Variants in ARL6IP6 observed in about 807,000 individuals in gnomAD.
The protein encoded by ARL6IP6 is ADP-ribosylation factor-like protein 6-interacting protein 6.
In ARL6IP6, 22 loss-of-function variants were observed where a neutral mutation model predicts 21.5. The ratio of observed to expected loss-of-function variants is 1.02; its 90% CI spans 0.73 to 1.46. The LOEUF (loss-of-function observed/expected upper bound fraction) is 1.46. Ranked by LOEUF, ARL6IP6 falls within the 40% of genes most tolerant of loss-of-function variation. The pLI is 0.00. For missense variants in ARL6IP6, 388 were observed against 299.8 expected, an observed-to-expected ratio of 1.29 and a Z score of -2.17; for synonymous variants, 164 against 125.3, an observed-to-expected ratio of 1.31 and a Z score of -2.06.
chr2:152,734,484 A>G (rs1488504471), intron 2 of ARL6IP6, among the ~76,000 whole-genome samples: 2 of 152,130 alleles, frequency 1.3e-5, no homozygotes, highest in Non-Finnish European at 2.9e-5. Context: ...TAAATGAAAA[A>G]TCTGATGAAC....
intron 2 of ARL6IP6, among the ~76,000 whole-genome samples, chr2:152,728,577 T>C (rs1700152231): frequency 6.6e-6 from 1 of 152,186 alleles, no homozygotes. Flanking sequence ...AGCATATTTT[T>C]AGAAGAGTAA....
chr2:152,745,736 T>C (rs1701012463), intron 3 of ARL6IP6, among the ~76,000 whole-genome samples: 1 of 152,160 alleles, frequency 6.6e-6, no homozygotes, highest in Admixed American at 6.5e-5. Flanking sequence ...GCCTTGATAT[T>C]TGAGTATCAT....
intron 2 of ARL6IP6, among the ~76,000 whole-genome samples, chr2:152,730,155 C>T (rs1700242195): frequency 6.6e-6 from 1 of 152,128 alleles, no homozygotes; most frequent in Admixed American, 6.5e-5. Context: ...AATAAAAATG[C>T]TCAATGCGAA....
chr2:152,717,798 C>T (rs1699214556), upstream of ARL6IP6: 4 of 1,171,892 alleles, frequency 3.4e-6, no homozygotes, highest in South Asian at 2.0e-5. Flanking sequence ...CCACCTTCAC[C>T]CTCCCCGCCC....
Position 152,759,773 on chromosome 2 carries a change from T to C in ARL6IP6, c.614T>C (p.Met205Thr). ...FKKLTGHSFHMGYSMAILNGI... is the reference protein window; with the variant it reads ...FKKLTGHSFHTGYSMAILNGI... ...AAACTGACTGGACATTCTTTCCACA[T>C]GGGCTATAGCATGGCGATTTTGAAT... The change falls in exon 4 of 4, where the codon ATG becomes ACG. Residue 205 changes from methionine to threonine, a missense_variant. Coordinates refer to ENST00000326446, the MANE Select transcript of ARL6IP6 (RefSeq NM_152522.7). 11 of 1,613,402 alleles carry C rather than the reference T, an allele frequency of 6.8e-6. No homozygotes were observed. Among genetic ancestry groups the C allele is most frequent in the Non-Finnish European group, 9.3e-6 (11 of 1,179,458 alleles).
At chr2:152,732,272 G>C (rs1016443509) in intron 2 of ARL6IP6, among the ~76,000 whole-genome samples, 1 of 151,972 alleles carries the variant, frequency 6.6e-6, no homozygotes, top group Non-Finnish European at 1.5e-5. Context: ...GCTCTCCATA[G>C]AAATTAAAAC....
intron 1 of ARL6IP6, among the ~76,000 whole-genome samples, chr2:152,719,725 A>T (rs1559219647): frequency 6.8e-6 from 1 of 146,674 alleles, no homozygotes. Flanking sequence ...CATTCTCACT[A>T]GTTTGTGACC....
intron 3 of ARL6IP6, among the ~76,000 whole-genome samples, chr2:152,752,869 T>G (rs1042865306): frequency 6.6e-6 from 1 of 152,180 alleles, no homozygotes; most frequent in African/African-American, 2.4e-5. Flanking sequence ...GGCTTTAGGT[T>G]CCCTGCCCTA....
In ARL6IP6 at chr2:152,759,927, C is replaced by T; in HGVS notation, c.*87C>T. 1.9e-6 allele frequency: 2 copies of T among 1,061,110 alleles called. No homozygotes were observed. The highest frequency in any genetic ancestry group is 2.9e-6 in the Non-Finnish European group (2 of 689,180). 65.7% of individuals were successfully genotyped at this position (1,061,110 alleles called of 1,614,324 possible). On this transcript the variant is annotated 3_prime_UTR_variant, in exon 4 of 4. Coordinates refer to ENST00000326446, the MANE Select transcript of ARL6IP6 (RefSeq NM_152522.7). ...GGAGCATCACTGTCTACTCAGAAGA[C>T]TGAGAAACCTGCTGTTCATTATGTA...
intron 3 of ARL6IP6, among the ~76,000 whole-genome samples, chr2:152,750,488 AAGAGAG>A (rs200604492): frequency 6.7e-6 from 1 of 150,006 alleles, no homozygotes; most frequent in African/African-American, 2.5e-5. Flanking sequence ...AAAAAAAAAA[AAGAGAG>A]AGAGAGAGAG....
intron 3 of ARL6IP6, among the ~76,000 whole-genome samples, chr2:152,759,235 GTAAC>G (rs1197111157): frequency 6.6e-6 from 1 of 152,102 alleles, no homozygotes; most frequent in African/African-American, 2.4e-5. Context: ...CTTCAATTAA[GTAAC>G]CTATTAGAAT....
rs1299539026 is a variant in ARL6IP6, at chr2:152,760,825, G to A, written c.*985G>A. The A allele has an allele frequency of 6.6e-6, 1 of 151,648 alleles. No homozygotes were observed. Among genetic ancestry groups the A allele is most frequent in the Admixed American group, 6.6e-5 (1 of 15,198 alleles). 9.4% of individuals were successfully genotyped at this position (151,648 alleles called of 1,614,324 possible). A position where few individuals can be genotyped will look rare whatever the true frequency, so the allele number is the denominator to read the frequency against. On this transcript the variant is annotated 3_prime_UTR_variant, in exon 4 of 4. Transcript: ENST00000326446. ...TAATCTCAAAAATTTAGTTACCAAA[G>A]TAGAAAAGGTATTTTGATACTAGAT...
chr2:152,718,083 A>G (rs1048558114), upstream of ARL6IP6: 28 of 991,900 alleles, frequency 2.8e-5, no homozygotes, highest in African/African-American at 4.0e-4. Flanking sequence ...CTAAAGGGAG[A>G]TGGGGGTGAG....
At chr2:152,736,907 A>G (rs1700578950) in intron 3 of ARL6IP6, among the ~76,000 whole-genome samples, 1 of 152,164 alleles carries the variant, frequency 6.6e-6, no homozygotes, top group East Asian at 1.9e-4. Context: ...AAGGGACTTG[A>G]ACATTCATGG....
chr2:152,732,690 A>C, intron 2 of ARL6IP6: 1 of 294,844 alleles, frequency 3.4e-6, no homozygotes, highest in Non-Finnish European at 6.7e-6. Flanking sequence ...AGTATCCATG[A>C]GGAATTGGTT....
At chr2:152,730,958 C>A (rs538640019) in intron 2 of ARL6IP6, among the ~76,000 whole-genome samples, 4 of 152,306 alleles carry the variant, frequency 2.6e-5, no homozygotes, top group South Asian at 4.1e-4. Flanking sequence ...ATGCATACAA[C>A]CTACTTTATT....
At chr2:152,754,355 T>G (rs553564826) in intron 3 of ARL6IP6, among the ~76,000 whole-genome samples, 1 of 152,222 alleles carries the variant, frequency 6.6e-6, no homozygotes, top group African/African-American at 2.4e-5. Context: ...TCCTTTCACT[T>G]AGCATACTGT....
At chr2:152,753,313 T>G (rs1331954245) in intron 3 of ARL6IP6, among the ~76,000 whole-genome samples, 4 of 152,224 alleles carry the variant, frequency 2.6e-5, no homozygotes, top group Non-Finnish European at 4.4e-5. Flanking sequence ...TTATAGGTTT[T>G]GTTCCTCTGA....
At chr2:152,728,277 G>A (rs13389152) in intron 2 of ARL6IP6, among the ~76,000 whole-genome samples, 9,007 of 152,168 alleles carry the variant, frequency 0.059, 816 homozygotes, top group African/African-American at 0.19. Context: ...ATACAGTCAC[G>A]TTTAATCCCA....
Sources: gnomAD v4.1 joint callset for allele counts (sites outside exome capture counted in the v4.1 genomes callset) on GRCh38, gnomAD v4.1.1 for gene constraint, MANE v1.5 for transcripts, NCBI Gene and HGNC (gene_info 2026-07-23, HGNC 2026-07-21) for gene names.